Variants in KLHL13 observed in about 807,000 individuals in gnomAD.
The protein encoded by KLHL13 is kelch-like protein 13.
KLHL13 carries 10 observed loss-of-function variants against 37.1 expected under a neutral mutation model. That is an observed-to-expected ratio of 0.27 (90% CI 0.17 to 0.46). The LOEUF (loss-of-function observed/expected upper bound fraction) is 0.46, where lower values mean the gene tolerates loss of function less well. KLHL13 is among the 20% of genes least tolerant of loss of function. KLHL13 has a pLI of 1.00. For missense variants in KLHL13, 360 were observed against 509.3 expected, an observed-to-expected ratio of 0.71 and a Z score of 2.82; for synonymous variants, 163 against 181.2, an observed-to-expected ratio of 0.90 and a Z score of 0.81.
chrX:117,901,824 C>G lies in KLHL13; in HGVS notation c.1480+9G>C, dbSNP rs1407194201. ...TATATTATATTGTGTTCACATGATA[C>G]TTGTTTACCTGAAATATACATCACT... On this transcript the variant is annotated intron_variant, in intron 6 of 6. Transcript: ENST00000262820. 2.1e-6 allele frequency: 2 copies of G among 961,417 alleles called. No individual in the cohort carries two copies. Among genetic ancestry groups the G allele is most frequent in the Non-Finnish European group, 3.0e-6 (2 of 677,583 alleles). The allele number at this position is 961,417 out of a possible 1,213,427, so 79.2% of individuals were successfully genotyped here.
intron 1 of KLHL13, among the ~76,000 whole-genome samples, chrX:117,958,091 T>G (rs901849090): frequency 9.0e-6 from 1 of 111,256 alleles, no homozygotes; most frequent in Non-Finnish European, 1.9e-5. Flanking sequence ...GATTAGTTCT[T>G]TTCATAGGAA....
intron 1 of KLHL13, among the ~76,000 whole-genome samples, chrX:118,012,676 C>T (rs773736945): frequency 1.2e-3 from 2 of 1,643 alleles, no homozygotes; most frequent in East Asian, 0.043. Context: ...CCATCCTGGG[C>T]GGGGGCGGGG....
chrX:118,032,475 G>A (rs2054367670), intron 1 of KLHL13, among the ~76,000 whole-genome samples: 1 of 111,765 alleles, frequency 8.9e-6, no homozygotes, highest in African/African-American at 3.3e-5. Flanking sequence ...CCCCCAGCAG[G>A]GGCAGCCTGA....
chrX:118,111,480 G>A (rs1397090516), intron 1 of KLHL13, among the ~76,000 whole-genome samples: 6 of 112,826 alleles, frequency 5.3e-5, no homozygotes, highest in Non-Finnish European at 1.1e-4. Flanking sequence ...GGCCTAGGCC[G>A]GGGGAGGTGG....
At chrX:117,950,376 G>C (rs1262302591) in intron 1 of KLHL13, among the ~76,000 whole-genome samples, 1 of 111,202 alleles carries the variant, frequency 9.0e-6, no homozygotes, top group Non-Finnish European at 1.9e-5. Context: ...CTGAGGCAGG[G>C]GAATCACTTG....
intron 2 of KLHL13, among the ~76,000 whole-genome samples, chrX:117,934,315 A>C (rs1431426296): frequency 8.9e-6 from 1 of 111,739 alleles, no homozygotes; most frequent in Non-Finnish European, 1.9e-5. Flanking sequence ...AAAAGAAAGA[A>C]AGGTCATTAT....
At chrX:117,939,458 T>C (rs920425265) in intron 2 of KLHL13, among the ~76,000 whole-genome samples, 2 of 112,377 alleles carry the variant, frequency 1.8e-5, no homozygotes, top group African/African-American at 6.5e-5. Flanking sequence ...ATATGCCCAG[T>C]AATGGGATTG....
chrX:117,909,409 T>C (rs1396677208), exon 5 of KLHL13: 1 of 1,211,141 alleles, frequency 8.3e-7, no homozygotes. Context: ...TGCATCCATT[T>C]ATTGTATCGA....
intron 2 of KLHL13, among the ~76,000 whole-genome samples, chrX:117,929,498 T>G (rs781273648): frequency 9.0e-6 from 1 of 111,142 alleles, no homozygotes; most frequent in East Asian, 2.8e-4. Context: ...AGTTTATAAC[T>G]CCAATGCAAG....
At chrX:117,996,782 A>G (rs183552982) in intron 1 of KLHL13, among the ~76,000 whole-genome samples, 10 of 109,441 alleles carry the variant, frequency 9.1e-5, no homozygotes, top group African/African-American at 3.0e-4. Context: ...TACCACCAGT[A>G]GCACGCACAT....
chrX:118,031,575 TTATATATATATTTAGTTA>T (rs2054347006), intron 1 of KLHL13, among the ~76,000 whole-genome samples: 1 of 84,286 alleles, frequency 1.2e-5, no homozygotes, highest in African/African-American at 4.7e-5. Flanking sequence ...TATATATTAG[TTATATATATATTTAGTTA>T]TATATATATT....
rs190177155 is a variant in KLHL13 at position 117,914,928 on chromosome X, G to A, written c.570+4593C>T. On this transcript the variant is annotated intron_variant, in intron 4 of 6. Coordinates refer to ENST00000262820, the Ensembl canonical transcript of KLHL13. Reference sequence around the variant, plus strand: ...AATGGGTGCTCAAGGTTATAGGAGGGATATTTAGAATATTTAAAAACCACA... The same window carrying A: ...AATGGGTGCTCAAGGTTATAGGAGGAATATTTAGAATATTTAAAAACCACA... 1.5e-3 allele frequency among the ~76,000 whole-genome samples: 163 copies of A among 111,426 alleles called. 2 individuals carry two copies. The highest frequency in any genetic ancestry group is 5.2e-3 in the African/African-American group (158 of 30,639).
chrX:118,105,190 A>T (rs1286355341), intron 1 of KLHL13, among the ~76,000 whole-genome samples: 2 of 112,572 alleles, frequency 1.8e-5, no homozygotes, highest in African/African-American at 3.2e-5. Context: ...TCTTCAAACT[A>T]TCTTTCCAAC....
At chrX:117,983,596 T>C (rs1223928361) in intron 1 of KLHL13, 10 of 864,123 alleles carry the variant, frequency 1.2e-5, no homozygotes, top group Non-Finnish European at 1.3e-5. Flanking sequence ...TTTATTATAT[T>C]TAGTTCAAAT....
At chrX:118,009,094 GTTGT>G (rs1489918403) in intron 1 of KLHL13, among the ~76,000 whole-genome samples, 18 of 107,998 alleles carry the variant, frequency 1.7e-4, no homozygotes, top group East Asian at 1.2e-3. Context: ...TTTTGATGGG[GTTGT>G]TTGTTTTTTT....
At chrX:118,116,097 G>A (rs7062715) in intron 1 of KLHL13, among the ~76,000 whole-genome samples, 4,442 of 111,721 alleles carry the variant, frequency 0.04, 225 homozygotes, top group African/African-American at 0.14. Flanking sequence ...AAGGAGAGAT[G>A]GATTAGGAGG....
chrX:118,045,334 A>C, intron 1 of KLHL13, among the ~76,000 whole-genome samples: 1 of 102,914 alleles, frequency 9.7e-6, no homozygotes, highest in East Asian at 3.0e-4. Context: ...AGATCGCGCC[A>C]CTGCACTCCA....
chrX:118,073,285 A>G (rs1430036030), intron 1 of KLHL13, among the ~76,000 whole-genome samples: 1 of 111,259 alleles, frequency 9.0e-6, no homozygotes, highest in East Asian at 2.8e-4. Flanking sequence ...GGTGGAGGGC[A>G]AGGAGGAGGA....
intron 2 of KLHL13, among the ~76,000 whole-genome samples, chrX:117,944,960 G>C (rs769994506): frequency 9.0e-6 from 1 of 111,526 alleles, no homozygotes; most frequent in Non-Finnish European, 1.9e-5. Flanking sequence ...AATGCGAGTT[G>C]GGACACCAAA....
Sources: allele counts gnomAD v4.1 joint callset (sites outside exome capture counted in the v4.1 genomes callset), GRCh38; gene constraint gnomAD v4.1.1; transcripts MANE v1.5; gene names NCBI Gene and HGNC (gene_info 2026-07-23, HGNC 2026-07-21).